NRG1: variants seen among roughly 807,000 people sequenced by gnomAD.
NRG1 encodes neuregulin 1, also known as pro-neuregulin-1, membrane-bound isoform.
In NRG1, 18 loss-of-function variants were observed where a neutral mutation model predicts 63.8. The observed-to-expected ratio is 0.28, with a 90% CI of 0.19 to 0.42. The LOEUF is 0.42. Among genes scored for constraint, NRG1 ranks in the 10% least tolerant of loss-of-function variants. The probability of loss-of-function intolerance (pLI) is 1.00; values close to 1 mark genes in which losing one functional copy is unlikely to be tolerated. For missense variants in NRG1, 762 were observed against 814.7 expected, an observed-to-expected ratio of 0.94 and a Z score of 0.79; for synonymous variants, 302 against 301.3, an observed-to-expected ratio of 1.00 and a Z score of -0.02.
intron 1 of NRG1, among the ~76,000 whole-genome samples, chr8:32,481,293 T>C (rs548434033): frequency 1.7e-4 from 26 of 152,134 alleles, no homozygotes; most frequent in African/African-American, 6.0e-4. Flanking sequence ...GCAGTGAGAT[T>C]GCACCACTGC....
chr8:31,709,832 T>A (rs1811562249), intron 1 of NRG1, among the ~76,000 whole-genome samples: 1 of 151,822 alleles, frequency 6.6e-6, no homozygotes, highest in Non-Finnish European at 1.5e-5. Flanking sequence ...TTGTTCATAT[T>A]TCCTTGAATA....
chr8:32,557,130 C>G (rs1381582328), intron 1 of NRG1, among the ~76,000 whole-genome samples: 5 of 152,080 alleles, frequency 3.3e-5, no homozygotes, highest in Non-Finnish European at 7.4e-5. Flanking sequence ...CTCAGCCTCC[C>G]AAGTAGCTGA....
intron 5 of NRG1, chr8:32,648,281 G>T (rs766079837): frequency 5.0e-6 from 8 of 1,613,832 alleles, no homozygotes; most frequent in Non-Finnish European, 6.8e-6. Flanking sequence ...CGTCCACTGC[G>T]CCATCCTTCC....
chr8:32,377,164 T>C (rs1461926839), intron 1 of NRG1, among the ~76,000 whole-genome samples: 1 of 152,192 alleles, frequency 6.6e-6, no homozygotes, highest in Non-Finnish European at 1.5e-5. Flanking sequence ...TGTTCAACAT[T>C]TGAGTGGCTC....
At chr8:32,389,888 T>C (rs939787485) in intron 1 of NRG1, among the ~76,000 whole-genome samples, 5 of 151,858 alleles carry the variant, frequency 3.3e-5, no homozygotes, top group Admixed American at 2.0e-4. Flanking sequence ...AGCCTTCCAA[T>C]AACTGGGGTT....
chr8:32,591,898 T>C (rs1159772544), intron 1 of NRG1, among the ~76,000 whole-genome samples: 1 of 151,890 alleles, frequency 6.6e-6, no homozygotes, highest in African/African-American at 2.4e-5. Flanking sequence ...CAACACTCAA[T>C]TTACCCATAT....
chr8:32,172,643 A>G (rs1487436993), intron 1 of NRG1, among the ~76,000 whole-genome samples: 1 of 152,242 alleles, frequency 6.6e-6, no homozygotes, highest in Non-Finnish European at 1.5e-5. Context: ...AGATGTCCTT[A>G]AAGGACCTGA....
chr8:32,457,868 A>G (rs2129488519), intron 1 of NRG1, among the ~76,000 whole-genome samples: 1 of 152,274 alleles, frequency 6.6e-6, no homozygotes, highest in Middle Eastern at 3.4e-3. Context: ...CAAATTATTC[A>G]GATGCCTCTT....
chr8:32,233,793 G>A (rs1036935072), intron 1 of NRG1, among the ~76,000 whole-genome samples: 3 of 151,720 alleles, frequency 2.0e-5, no homozygotes, highest in African/African-American at 7.3e-5. Context: ...TCGATCTCTT[G>A]ATCTCGTGAT....
At chr8:31,732,744 A>T (rs1814221849) in intron 1 of NRG1, among the ~76,000 whole-genome samples, 1 of 152,004 alleles carries the variant, frequency 6.6e-6, no homozygotes, top group Non-Finnish European at 1.5e-5. Context: ...AAAATACAAA[A>T]ATTAGCCGGG....
At chr8:32,203,465 C>T (rs1369740921) in intron 1 of NRG1, among the ~76,000 whole-genome samples, 2 of 151,902 alleles carry the variant, frequency 1.3e-5, no homozygotes, top group Admixed American at 1.3e-4. Context: ...CCTCTGTCTC[C>T]CAGCTTCAAG....
intron 1 of NRG1, among the ~76,000 whole-genome samples, chr8:32,383,302 G>T (rs1300980886): frequency 6.6e-6 from 1 of 152,064 alleles, no homozygotes; most frequent in African/African-American, 2.4e-5. Flanking sequence ...ATTGCAATGA[G>T]AGTGAAATCA....
At chr8:32,189,942 A>G (rs1055781329) in intron 1 of NRG1, among the ~76,000 whole-genome samples, 5 of 152,156 alleles carry the variant, frequency 3.3e-5, no homozygotes, top group African/African-American at 7.2e-5. Flanking sequence ...TAAATGAATG[A>G]TACATTCTGT....
intron 1 of NRG1, among the ~76,000 whole-genome samples, chr8:31,787,869 C>T (rs951292279): frequency 5.9e-5 from 9 of 152,144 alleles, no homozygotes; most frequent in African/African-American, 1.9e-4. Context: ...CTAGTGACAT[C>T]ATCATCAAGA....
intron 1 of NRG1, among the ~76,000 whole-genome samples, chr8:31,764,620 A>G (rs1016439844): frequency 6.6e-6 from 1 of 152,150 alleles, no homozygotes; most frequent in Non-Finnish European, 1.5e-5. Context: ...TTTTGCTGAG[A>G]TATTTTATAG....
chr8:31,942,934 C>A (rs916202505), intron 1 of NRG1, among the ~76,000 whole-genome samples: 1 of 150,298 alleles, frequency 6.7e-6, no homozygotes, highest in African/African-American at 2.5e-5. Context: ...AAAGGGAACA[C>A]TTTTACACTG....
chr8:31,811,856 C>A (rs1201307380), intron 1 of NRG1, among the ~76,000 whole-genome samples: 1 of 152,122 alleles, frequency 6.6e-6, no homozygotes, highest in Non-Finnish European at 1.5e-5. Context: ...GATGGCCCCA[C>A]TGATTTCCTG....
At chr8:31,757,894 C>A (rs1481071421) in intron 1 of NRG1, among the ~76,000 whole-genome samples, 5 of 151,826 alleles carry the variant, frequency 3.3e-5, no homozygotes, top group African/African-American at 1.2e-4. Flanking sequence ...CTTTATGCAC[C>A]TTCCCATCCT....
intron 1 of NRG1, among the ~76,000 whole-genome samples, chr8:32,141,013 T>C (rs1300859145): frequency 6.6e-6 from 1 of 152,030 alleles, no homozygotes; most frequent in African/African-American, 2.4e-5. Context: ...CTCTCTCTTT[T>C]TCTCTGTCAA....
Sources: allele counts gnomAD v4.1 joint callset (sites outside exome capture counted in the v4.1 genomes callset), GRCh38; gene constraint gnomAD v4.1.1; transcripts MANE v1.5; gene names NCBI Gene and HGNC (gene_info 2026-07-23, HGNC 2026-07-21).